Variants in QSER1 observed in about 807,000 individuals in gnomAD.
QSER1 encodes the protein glutamine and serine rich 1, also known as glutamine and serine-rich protein 1.
Under a neutral mutation model 158.5 loss-of-function variants are expected in QSER1, and 49 were observed. The ratio of observed to expected loss-of-function variants is 0.31; its 90% CI spans 0.25 to 0.39. QSER1 has a LOEUF of 0.39. Ranked by LOEUF, QSER1 falls within the 10% of genes least tolerant of loss-of-function variation. The pLI, the probability that QSER1 is intolerant of heterozygous loss-of-function variation, is 1.00. For synonymous variants in QSER1, 650 were observed against 715.5 expected (o/e 0.91, Z 1.46); for missense variants, 1,754 against 2,010.3 (o/e 0.87, Z 2.44).
chr11:32,900,837 G>T (rs376238908), intron 1 of QSER1, among the ~76,000 whole-genome samples: 3 of 152,198 alleles, frequency 2.0e-5, no homozygotes, highest in Admixed American at 2.0e-4. Context: ...TCTCAGAAAG[G>T]CCTTCTCTGA....
intron 12 of QSER1, chr11:32,975,728 C>G (rs1298765680): frequency 2.2e-6 from 2 of 891,764 alleles, no homozygotes; most frequent in Admixed American, 1.0e-4. Context: ...ATGGCCTTAT[C>G]CCACTTAATT....
intron 10 of QSER1, 78 bp from the exon 11 acceptor site, chr11:32,973,318 CT>C: frequency 6.7e-7 from 1 of 1,482,554 alleles, no homozygotes; most frequent in Non-Finnish European, 9.3e-7. Flanking sequence ...TGCACACACA[CT>C]TCTAAATTTT....
chr11:32,905,289 A>G (rs1341782334), intron 1 of QSER1, among the ~76,000 whole-genome samples: 1 of 152,260 alleles, frequency 6.6e-6, no homozygotes, highest in African/African-American at 2.4e-5. Flanking sequence ...TATGTGGATA[A>G]GCTAAAATAC....
chr11:32,968,464 T>C (rs1393590985), intron 9 of QSER1, among the ~76,000 whole-genome samples: 4 of 152,216 alleles, frequency 2.6e-5, no homozygotes, highest in African/African-American at 9.6e-5. Flanking sequence ...AGCCAAAAGC[T>C]TTGAATAGGA....
chr11:32,898,713 ACAGG>A (rs1426085094), intron 1 of QSER1, among the ~76,000 whole-genome samples: 11 of 152,258 alleles, frequency 7.2e-5, no homozygotes, highest in African/African-American at 2.4e-4. Context: ...AGCTGGGACT[ACAGG>A]CATGTGCCAC....
intron 1 of QSER1, among the ~76,000 whole-genome samples, chr11:32,917,821 CAAAAA>C (rs371007117): frequency 2.5e-5 from 2 of 80,818 alleles, no homozygotes; most frequent in Non-Finnish European, 4.4e-5. Flanking sequence ...GACTCTGTCT[CAAAAA>C]AAAAAAAAAA....
rs1253702283 is a variant in QSER1, at chr11:32,953,799, C to T, written c.4178-58C>T. ...TTTTTAAACTGTTTTGAGTTTTACA[C>T]AAAACAAGTGTTTAAATATTTGTAA... is the stretch of plus-strand genomic sequence containing the variant. On this transcript the variant is annotated intron_variant, in intron 4 of 12. Coordinates refer to ENST00000650167, the MANE Select transcript of QSER1 (RefSeq NM_001076786.3). The T allele has an allele frequency of 7.2e-6, 11 of 1,526,732 alleles. No homozygotes were observed. In the Admixed American group the frequency reaches 1.3e-4, roughly 18 times the overall value. 94.6% of individuals were successfully genotyped at this position (1,526,732 alleles called of 1,614,324 possible). A position where few individuals can be genotyped will look rare whatever the true frequency, so the allele number is the denominator to read the frequency against.
At chr11:32,915,924 T>TTG (rs1851824785) in intron 1 of QSER1, among the ~76,000 whole-genome samples, 1 of 151,924 alleles carries the variant, frequency 6.6e-6, no homozygotes, top group South Asian at 2.1e-4. Context: ...TAATTTTGTT[T>TTG]TTTTTTTTTT....
chr11:32,900,360 AC>A (rs1036048885), intron 1 of QSER1, among the ~76,000 whole-genome samples: 1 of 152,108 alleles, frequency 6.6e-6, no homozygotes, highest in Non-Finnish European at 1.5e-5. Flanking sequence ...GGAGTTCAAA[AC>A]CAGCCTGGCC....
chr11:32,919,766 G>A (rs1851878328), intron 1 of QSER1, among the ~76,000 whole-genome samples: 1 of 152,086 alleles, frequency 6.6e-6, no homozygotes, highest in Non-Finnish European at 1.5e-5. Flanking sequence ...TTCTTCAAGG[G>A]GAATTTGTCT....
chr11:32,932,407 C>A lies in QSER1; in HGVS notation c.1149C>A (p.Ser383=). Residue 383 remains serine, a synonymous_variant, in exon 4 of 13, where the codon TCC becomes TCA. Transcript: ENST00000650167. ...VSNGGLQQKT[S]QVSVELAQSY... ...ACGGAGGATTACAACAGAAGACCTC[C>A]CAGGTCTCAGTGGAACTTGCTCAGT... 6.2e-7 allele frequency: 1 copy of A among 1,612,720 alleles called. No homozygotes were observed. The highest frequency in any genetic ancestry group is 8.5e-7 in the Non-Finnish European group (1 of 1,179,944).
intron 1 of QSER1, among the ~76,000 whole-genome samples, chr11:32,900,478 G>C (rs1291979877): frequency 1.3e-5 from 2 of 152,010 alleles, no homozygotes; most frequent in African/African-American, 4.8e-5. Context: ...AGAATAGCTG[G>C]AACTCAGGAG....
chr11:32,917,874 C>T (rs1851856176), intron 1 of QSER1, among the ~76,000 whole-genome samples: 1 of 148,044 alleles, frequency 6.8e-6, no homozygotes. Context: ...CTTTCTGTGA[C>T]TTATGATGTG....
intron 5 of QSER1, among the ~76,000 whole-genome samples, chr11:32,955,089 G>A (rs1852488916): frequency 6.6e-6 from 1 of 152,158 alleles, no homozygotes; most frequent in African/African-American, 2.4e-5. Context: ...TACTTTGTGT[G>A]CTAATGAACT....
At position 32,932,587 on chromosome 11, in the gene QSER1, T is replaced by C; in HGVS notation, c.1329T>C (p.His443=). Residue 443 remains histidine (H), a synonymous_variant, in exon 4 of 13, where the codon CAT becomes CAC. Transcript: ENST00000650167. ...VQTLSYSKPL[H]NQSSVISGQA... ...CACTAAGCTATTCCAAACCTTTACA[T>C]AATCAGAGTTCTGTAATATCGGGCC... The C allele has an allele frequency of 1.2e-6, 2 of 1,614,158 alleles. No individual in the cohort carries two copies. Among genetic ancestry groups the C allele is most frequent in the Non-Finnish European group, 1.7e-6 (2 of 1,180,006 alleles).
intron 1 of QSER1, among the ~76,000 whole-genome samples, chr11:32,911,555 G>A (rs915485254): frequency 1.3e-5 from 2 of 152,130 alleles, no homozygotes; most frequent in African/African-American, 2.4e-5. Context: ...CATGTCAAGG[G>A]AGACCTTGAT....
chr11:32,931,704 C>T (rs768163061), intron 3 of QSER1, 39 bp from the exon 4 acceptor site: 10 of 1,431,000 alleles, frequency 7.0e-6, no homozygotes, highest in Non-Finnish European at 3.8e-6. Context: ...AGTAATTGTG[C>T]CATAATTACA....
chr11:32,938,630 A>G (rs1240119597), intron 4 of QSER1, among the ~76,000 whole-genome samples: 1 of 152,134 alleles, frequency 6.6e-6, no homozygotes, highest in Admixed American at 6.5e-5. Context: ...TTTTTTGTGG[A>G]CTGCTGTAGC....
intron 2 of QSER1, among the ~76,000 whole-genome samples, chr11:32,927,517 C>T (rs1331522583): frequency 6.6e-6 from 1 of 152,126 alleles, no homozygotes; most frequent in East Asian, 1.9e-4. Context: ...AAGTGATTCT[C>T]CTGCTTCAGC....
Sources: gnomAD v4.1 joint callset for allele counts (sites outside exome capture counted in the v4.1 genomes callset) on GRCh38, gnomAD v4.1.1 for gene constraint, MANE v1.5 for transcripts, NCBI Gene and HGNC (gene_info 2026-07-23, HGNC 2026-07-21) for gene names.